The following R3HCC1L variants were observed in gnomAD, a reference collection of about 807,000 sequenced individuals.
The protein encoded by R3HCC1L is R3H domain and coiled-coil containing 1 like.
A neutral mutation model predicts 59.9 loss-of-function variants in R3HCC1L; 51 were observed. The observed-to-expected ratio is 0.85, with a 90% CI of 0.68 to 1.07. R3HCC1L has a LOEUF of 1.07. R3HCC1L is among the 50% of genes least tolerant of loss of function. The probability of loss-of-function intolerance (pLI) is 0.00; values close to 1 mark genes in which losing one functional copy is unlikely to be tolerated. For synonymous variants in R3HCC1L, 322 were observed against 315.2 expected (o/e 1.02, Z -0.23); for missense variants, 965 against 933.0 (o/e 1.03, Z -0.45).
chr10:98,177,804 T>A (rs1471456008), intron 4 of R3HCC1L, among the ~76,000 whole-genome samples: 1 of 152,256 alleles, frequency 6.6e-6, no homozygotes, highest in Non-Finnish European at 1.5e-5. Context: ...TTTTTTCATG[T>A]GTCTATTGGC....
intron 2 of R3HCC1L, among the ~76,000 whole-genome samples, chr10:98,161,576 A>C (rs1048493920): frequency 5.9e-5 from 9 of 152,208 alleles, no homozygotes; most frequent in African/African-American, 1.9e-4. Flanking sequence ...CCCATGGTAA[A>C]TAACTCACCT....
chr10:98,242,378 T>C (rs954811767), intron 9 of R3HCC1L, among the ~76,000 whole-genome samples: 7 of 152,170 alleles, frequency 4.6e-5, no homozygotes, highest in African/African-American at 1.7e-4. Flanking sequence ...TTCTGAACTT[T>C]CCAGATTTTA....
chr10:98,236,906 A>G (rs1295997488), intron 9 of R3HCC1L, among the ~76,000 whole-genome samples: 1 of 152,224 alleles, frequency 6.6e-6, no homozygotes, highest in Non-Finnish European at 1.5e-5. Flanking sequence ...TTAGCCCACA[A>G]TTCCTGGAAT....
chr10:98,230,412 G>A (rs1856231289), intron 5 of R3HCC1L, among the ~76,000 whole-genome samples: 1 of 152,100 alleles, frequency 6.6e-6, no homozygotes, highest in Admixed American at 6.6e-5. Context: ...GTATTTCTGT[G>A]GGATCGGTGG....
At chr10:98,229,281 T>C (rs1044524541) in intron 5 of R3HCC1L, among the ~76,000 whole-genome samples, 2 of 152,214 alleles carry the variant, frequency 1.3e-5, no homozygotes, top group Non-Finnish European at 2.9e-5. Flanking sequence ...TTTGTAGTTG[T>C]CCTTGAAGAG....
intron 4 of R3HCC1L, among the ~76,000 whole-genome samples, chr10:98,164,313 C>T (rs544994127): frequency 6.6e-6 from 1 of 152,192 alleles, no homozygotes; most frequent in East Asian, 1.9e-4. Flanking sequence ...AAATAGAATC[C>T]AGGGATGAGG....
chr10:98,157,846 T>C (rs963003463), intron 2 of R3HCC1L, among the ~76,000 whole-genome samples: 1 of 152,366 alleles, frequency 6.6e-6, no homozygotes, highest in African/African-American at 2.4e-5. Context: ...GATATTCTTA[T>C]GTGAAATAAT....
intron 4 of R3HCC1L, among the ~76,000 whole-genome samples, chr10:98,205,149 A>T (rs1852497058): frequency 6.6e-6 from 1 of 152,250 alleles, no homozygotes; most frequent in Admixed American, 6.5e-5. Context: ...AAGCTAATAA[A>T]TACTTCAAAC....
chr10:98,209,798 A>C lies in R3HCC1L; in HGVS notation c.1684A>C (p.Thr562Pro). The change falls in exon 5 of 10, where the codon ACT (threonine) becomes CCT (proline). Residue 562 changes from threonine (T) to proline (P), a missense_variant. Physicochemically the swap from Thr to Pro is conservative, Grantham distance 38 (BLOSUM62 -1). Transcript: ENST00000298999. ...GGAAACATCCATCGAACCAAAAGCAACTGAAACTTCTCACACAGAGGGAAT... is the reference window on the plus strand; with the variant it reads ...GGAAACATCCATCGAACCAAAAGCACCTGAAACTTCTCACACAGAGGGAAT... ...SMETSIEPKA[T>P]ETSHTEGITA... The C allele has an allele frequency of 6.2e-7, 1 of 1,613,930 alleles. No individual in the cohort carries two copies. The highest frequency in any genetic ancestry group is 8.5e-7 in the Non-Finnish European group (1 of 1,179,846).
At position 98,208,175 on chromosome 10, in the gene R3HCC1L, G is replaced by A; in HGVS notation, c.61G>A (p.Val21Ile). The A allele has an allele frequency of 6.2e-7, 1 of 1,613,948 alleles. No individual in the cohort carries two copies. The highest frequency in any genetic ancestry group is 8.5e-7 in the Non-Finnish European group (1 of 1,179,948). The change falls in exon 5 of 10, where the codon GTA (valine) becomes ATA (isoleucine). Residue 21 changes from valine to isoleucine, a missense_variant. Val to Ile is a conservative substitution (Grantham distance 29). Coordinates refer to ENST00000298999, the MANE Select transcript of R3HCC1L (RefSeq NM_001351015.2). ...RARRPDMALY[V>I]PKARRGAVLL... is the part of the protein sequence containing the mutation. ...CAGAAGGCCTGACATGGCACTTTATGTACCTAAAGCTCGTAGGGGTGCAGT... is the reference window on the plus strand; with the variant it reads ...CAGAAGGCCTGACATGGCACTTTATATACCTAAAGCTCGTAGGGGTGCAGT...
intron 4 of R3HCC1L, among the ~76,000 whole-genome samples, chr10:98,191,108 A>T (rs1206577620): frequency 6.6e-6 from 1 of 152,208 alleles, no homozygotes; most frequent in Non-Finnish European, 1.5e-5. Flanking sequence ...GTGCCGCATT[A>T]AACATATGTG....
intron 2 of R3HCC1L, among the ~76,000 whole-genome samples, chr10:98,159,269 G>A (rs1057009364): frequency 3.3e-5 from 5 of 152,192 alleles, no homozygotes; most frequent in African/African-American, 1.2e-4. Context: ...GGCACAAGAT[G>A]TTCAAATACT....
rs1055527749 is a variant in R3HCC1L, at chr10:98,166,954, C to T, written c.-15+3557C>T. Reference sequence around the variant, plus strand: ...TGCTGGGATTACAGGCGTGAGCCACCGCGCCTGACCCCTACTTTATAATTT... The same window carrying T: ...TGCTGGGATTACAGGCGTGAGCCACTGCGCCTGACCCCTACTTTATAATTT... On this transcript the variant is annotated intron_variant, in intron 4 of 9. Coordinates refer to ENST00000298999, the MANE Select transcript of R3HCC1L (RefSeq NM_001351015.2). 4.6e-5 allele frequency among the ~76,000 whole-genome samples: 7 copies of T among 152,180 alleles called. No homozygotes were observed. In the East Asian group the frequency reaches 5.8e-4, roughly 13 times the overall value.
At chr10:98,139,136 G>A (rs1195398934) in intron 1 of R3HCC1L, among the ~76,000 whole-genome samples, 1 of 152,126 alleles carries the variant, frequency 6.6e-6, no homozygotes, top group African/African-American at 2.4e-5. Flanking sequence ...GTTTGAGTCT[G>A]TGACCTTGTC....
chr10:98,155,674 A>T lies in R3HCC1L; in HGVS notation c.-267-419A>T, dbSNP rs541325723. On this transcript the variant is annotated intron_variant, in intron 1 of 9. Coordinates refer to ENST00000298999, the MANE Select transcript of R3HCC1L (RefSeq NM_001351015.2). ...TATAGTGAGTCATTTTTGTCCCACC[A>T]CTCCCCACTCTCTCTAGTCCTCTCC... Among the ~76,000 whole-genome samples the T allele has an allele frequency of 2.6e-5, 4 of 151,658 alleles. No homozygotes were observed. In the East Asian group the frequency reaches 5.8e-4, roughly 22 times the overall value.
chr10:98,194,956 C>T (rs1416516801), intron 4 of R3HCC1L, among the ~76,000 whole-genome samples: 1 of 152,028 alleles, frequency 6.6e-6, no homozygotes, highest in African/African-American at 2.4e-5. Context: ...GCCAGCAGTC[C>T]CACTACTGGG....
rs370980212 is a variant in R3HCC1L at position 98,206,327 on chromosome 10, T to TA, written c.-14-1758dup. Among the ~76,000 whole-genome samples, 430 of 136,446 alleles carry TA rather than the reference T, an allele frequency of 3.2e-3. 1 individual carries two copies. The highest frequency in any genetic ancestry group is 4.0e-3 in the Non-Finnish European group (249 of 62,326). The allele number at this position is 136,446 out of a possible 152,430, so 89.5% of individuals were successfully genotyped here. On this transcript the variant is annotated intron_variant, in intron 4 of 9. Coordinates refer to ENST00000298999, the MANE Select transcript of R3HCC1L (RefSeq NM_001351015.2). ...GTCTTCTGTCTTTTGTTTGATTCTTTAAAAAAAAAAAAAAAACCTCCAAAA... is the reference window on the plus strand; with the variant it reads ...GTCTTCTGTCTTTTGTTTGATTCTTTAAAAAAAAAAAAAAAAACCTCCAAAA...
At chr10:98,232,701 A>T (rs1036635144) in intron 6 of R3HCC1L, among the ~76,000 whole-genome samples, 15 of 152,232 alleles carry the variant, frequency 9.9e-5, no homozygotes, top group African/African-American at 3.6e-4. Context: ...TGAATGTGTA[A>T]GATTCTATAT....
intron 5 of R3HCC1L, among the ~76,000 whole-genome samples, chr10:98,214,906 C>G (rs1190663025): frequency 6.6e-6 from 1 of 152,236 alleles, no homozygotes; most frequent in Non-Finnish European, 1.5e-5. Flanking sequence ...ATTTAGCGGT[C>G]TAGTCTAGCT....
Sources: gnomAD v4.1 joint callset for allele counts (sites outside exome capture counted in the v4.1 genomes callset) on GRCh38, gnomAD v4.1.1 for gene constraint, MANE v1.5 for transcripts, NCBI Gene and HGNC (gene_info 2026-07-23, HGNC 2026-07-21) for gene names.